CLEC2B: variants seen among roughly 807,000 people sequenced by gnomAD.
CLEC2B encodes the protein C-type (calcium dependent, carbohydrate-recognition domain) lectin, superfamily member 2 (activation-induced).
Under a neutral mutation model 16.2 loss-of-function variants are expected in CLEC2B, and 14 were observed. The ratio of observed to expected loss-of-function variants is 0.86; its 90% confidence interval spans 0.57 to 1.35. The LOEUF (loss-of-function observed/expected upper bound fraction) is 1.35. Ranked by LOEUF, CLEC2B falls within the 40% of genes most tolerant of loss-of-function variation. The probability of loss-of-function intolerance (pLI) is 0.00; values close to 1 mark genes in which losing one functional copy is unlikely to be tolerated. For missense variants in CLEC2B, 166 were observed against 182.3 expected (o/e 0.91, Z 0.52); for synonymous variants, 42 against 55.8 (o/e 0.75, Z 1.10).
chr12:9,854,150 T>C (rs1867874810), intron 4 of CLEC2B, among the ~76,000 whole-genome samples: 1 of 152,122 alleles, frequency 6.6e-6, no homozygotes, highest in South Asian at 2.1e-4. Flanking sequence ...TGTATATGAA[T>C]CTCAGGTCTT....
chr12:9,868,464 G>A (rs1393861503), intron 1 of CLEC2B, among the ~76,000 whole-genome samples: 1 of 152,004 alleles, frequency 6.6e-6, no homozygotes, highest in African/African-American at 2.4e-5. Context: ...TTAGTTAAAC[G>A]GGAAATGCTT....
intron 2 of CLEC2B, among the ~76,000 whole-genome samples, chr12:9,860,650 G>A (rs1867926591): frequency 6.6e-6 from 1 of 151,642 alleles, no homozygotes; most frequent in African/African-American, 2.4e-5. Flanking sequence ...AAATGCTCCA[G>A]GTAAACTTGA....
At chr12:9,863,824 T>C (rs1391087499) in intron 1 of CLEC2B, among the ~76,000 whole-genome samples, 1 of 151,956 alleles carries the variant, frequency 6.6e-6, no homozygotes, top group Admixed American at 6.6e-5. Context: ...AAAGACCATA[T>C]CTAAGAATTA....
intron 2 of CLEC2B, among the ~76,000 whole-genome samples, chr12:9,858,192 G>A (rs942956819): frequency 6.6e-6 from 1 of 152,024 alleles, no homozygotes; most frequent in African/African-American, 2.4e-5. Context: ...GAGACCATGA[G>A]CATAGGAACT....
chr12:9,860,203 G>A (rs565244007), intron 2 of CLEC2B, among the ~76,000 whole-genome samples: 1 of 151,266 alleles, frequency 6.6e-6, no homozygotes, highest in East Asian at 1.9e-4. Context: ...CAACAGAATA[G>A]GTAAAACAAT....
In CLEC2B at chr12:9,853,291, G is replaced by A. The variant is rs931778287; in HGVS notation, c.*9C>T. On this transcript the variant is annotated 3_prime_UTR_variant, in exon 5 of 5. Transcript: ENST00000228438. ...ATTTTCTATTTTCCCCATTATCTTA[G>A]ACATTAACTTAGTGTATTCTTTTCC... 6.4e-7 allele frequency: 1 copy of A among 1,555,648 alleles called. No individual in the cohort carries two copies. Among genetic ancestry groups the A allele is most frequent in the Non-Finnish European group, 8.9e-7 (1 of 1,127,282 alleles).
intron 2 of CLEC2B, among the ~76,000 whole-genome samples, chr12:9,861,825 CAT>C (rs1331523108): frequency 1.3e-5 from 2 of 152,108 alleles, no homozygotes; most frequent in East Asian, 1.9e-4. Flanking sequence ...TATTTTGTGA[CAT>C]ATAAAATTTT....
chr12:9,868,784 A>G (rs1387200836), intron 1 of CLEC2B, among the ~76,000 whole-genome samples: 1 of 152,118 alleles, frequency 6.6e-6, no homozygotes, highest in African/African-American at 2.4e-5. Context: ...CTTTCCGTTA[A>G]GTACTCCTAA....
chr12:9,854,239 A>G, intron 4 of CLEC2B, 142 bp downstream of exon 4: 1 of 498,174 alleles, frequency 2.0e-6, no homozygotes, highest in Non-Finnish European at 3.6e-6. Flanking sequence ...CCTTACATGA[A>G]TCTCAATATA....
At chr12:9,865,894 CCTT>C (rs1384224329) in intron 1 of CLEC2B, among the ~76,000 whole-genome samples, 1 of 151,898 alleles carries the variant, frequency 6.6e-6, no homozygotes, top group African/African-American at 2.4e-5. Context: ...ATAATGTGCT[CCTT>C]AACGACCAAA....
intron 1 of CLEC2B, among the ~76,000 whole-genome samples, chr12:9,866,782 T>C (rs1867973188): frequency 6.6e-6 from 1 of 151,986 alleles, no homozygotes; most frequent in African/African-American, 2.4e-5. Context: ...TAAAAAAAAA[T>C]CTAGCTTATT....
chr12:9,853,107 GA>G lies in CLEC2B; in HGVS notation c.*192del, dbSNP rs1323059334. On this transcript the variant is annotated 3_prime_UTR_variant, in exon 5 of 5. Transcript: ENST00000228438. ...AAAGAGAGAGAGAGAAAGAAAGAAA[GA>G]AAAAAACTCAGCAGAATACCTGTAA... 2.1e-6 allele frequency: 1 copy of G among 487,654 alleles called. No individual in the cohort carries two copies. Among genetic ancestry groups the G allele is most frequent in the African/African-American group, 2.0e-5 (1 of 51,152 alleles). 30.2% of individuals were successfully genotyped at this position (487,654 alleles called of 1,614,324 possible).
intron 2 of CLEC2B, among the ~76,000 whole-genome samples, chr12:9,860,363 A>G (rs1867924334): frequency 6.6e-6 from 1 of 151,758 alleles, no homozygotes; most frequent in Non-Finnish European, 1.5e-5. Context: ...TTTATAGGCC[A>G]GCAAGAGACT....
intron 4 of CLEC2B, among the ~76,000 whole-genome samples, chr12:9,854,075 A>T (rs1316843784): frequency 6.6e-6 from 1 of 152,182 alleles, no homozygotes; most frequent in African/African-American, 2.4e-5. Flanking sequence ...TTTAAAGAAG[A>T]GTCATATAAT....
Position 9,853,084 on chromosome 12 carries a change from A to AGAAAGAGAAAGAAAGAAG in CLEC2B, c.*215_*216insCTTCTTTCTTTCTCTTTC, listed in dbSNP as rs1867861116. 5.0e-6 allele frequency: 2 copies of AGAAAGAGAAAGAAAGAAG among 399,840 alleles called. No individual in the cohort carries two copies. The allele number at this position is 399,840 out of a possible 1,614,324, so 24.8% of individuals were successfully genotyped here. A position where few individuals can be genotyped will look rare whatever the true frequency, so the allele number is the denominator to read the frequency against. On this transcript the variant is annotated 3_prime_UTR_variant, in exon 5 of 5. Coordinates refer to ENST00000228438, the MANE Select transcript of CLEC2B (RefSeq NM_005127.3). ...AAGAAAGAAAGAAAGAAAGAAAGAA[A>AGAAAGAGAAAGAAAGAAG]GAGAGAGAGAGAAAGAAAGAAAGAA...
chr12:9,854,013 C>T (rs992898300), intron 4 of CLEC2B, among the ~76,000 whole-genome samples: 2 of 151,868 alleles, frequency 1.3e-5, no homozygotes, highest in African/African-American at 2.4e-5. Flanking sequence ...TGAAAATGAA[C>T]GTCAAATTGA....
chr12:9,856,512 T>C (rs1001611701), intron 3 of CLEC2B, among the ~76,000 whole-genome samples: 6 of 152,072 alleles, frequency 3.9e-5, no homozygotes, highest in Non-Finnish European at 8.8e-5. Context: ...TTCCTTTCAC[T>C]GACCTATAAA....
chr12:9,858,139 T>G (rs918599944), intron 2 of CLEC2B, among the ~76,000 whole-genome samples: 3 of 151,972 alleles, frequency 2.0e-5, no homozygotes, highest in African/African-American at 7.2e-5. Flanking sequence ...GGAACTAACA[T>G]GAGATTTGGA....
intron 3 of CLEC2B, 158 bp downstream of exon 3, chr12:9,857,316 G>C (rs1187238701): frequency 1.7e-6 from 1 of 604,994 alleles, no homozygotes; most frequent in African/African-American, 1.9e-5. Flanking sequence ...AGCATCACTA[G>C]GTGTTTCACC....
Sources: allele counts gnomAD v4.1 joint callset (sites outside exome capture counted in the v4.1 genomes callset), GRCh38; gene constraint gnomAD v4.1.1; transcripts MANE v1.5; gene names NCBI Gene and HGNC (gene_info 2026-07-23, HGNC 2026-07-21).